The following TMTC2 variants were observed in gnomAD, a reference collection of about 807,000 sequenced individuals.
TMTC2 encodes transmembrane O-mannosyltransferase targeting cadherins 2.
Under a neutral mutation model 82.4 loss-of-function variants are expected in TMTC2, and 43 were observed. That is an observed-to-expected ratio of 0.52 (90% confidence interval 0.41 to 0.67). The LOEUF is 0.67. Ranked by LOEUF, TMTC2 falls within the 30% of genes least tolerant of loss-of-function variation. TMTC2 has a pLI of 0.00. For synonymous variants in TMTC2, 408 were observed against 381.9 expected (o/e 1.07, Z -0.80); for missense variants, 919 against 1,012.4 (o/e 0.91, Z 1.25).
chr12:82,946,903 G>A (rs142635476), intron 4 of TMTC2, among the ~76,000 whole-genome samples: 5,651 of 151,936 alleles, frequency 0.037, 125 homozygotes, highest in Middle Eastern at 0.051. Flanking sequence ...CACCACCCCG[G>A]GCTAATTTTG....
chr12:82,835,721 C>A (rs1286349880), intron 1 of TMTC2, among the ~76,000 whole-genome samples: 1 of 152,150 alleles, frequency 6.6e-6, no homozygotes, highest in Non-Finnish European at 1.5e-5. Flanking sequence ...TGTTGGAGTT[C>A]TATTGGAGAC....
chr12:82,793,283 A>C (rs1363391302), intron 1 of TMTC2, among the ~76,000 whole-genome samples: 5 of 151,876 alleles, frequency 3.3e-5, no homozygotes, highest in Non-Finnish European at 7.4e-5. Flanking sequence ...AGGACTTAAT[A>C]CTTTTCGTCG....
chr12:82,979,683 A>G (rs1228189080), intron 7 of TMTC2, among the ~76,000 whole-genome samples: 1 of 151,712 alleles, frequency 6.6e-6, no homozygotes, highest in African/African-American at 2.4e-5. Flanking sequence ...ACTTACTACT[A>G]CCAGTGAGTT....
intron 1 of TMTC2, among the ~76,000 whole-genome samples, chr12:82,815,627 A>G (rs2137055299): frequency 6.6e-6 from 1 of 152,130 alleles, no homozygotes; most frequent in Admixed American, 6.6e-5. Context: ...CATCTGCTCT[A>G]CTGAAGATAA....
intron 1 of TMTC2, among the ~76,000 whole-genome samples, chr12:82,727,372 A>G (rs1038123247): frequency 1.3e-5 from 2 of 152,074 alleles, no homozygotes; most frequent in Non-Finnish European, 2.9e-5. Flanking sequence ...GTGAGACTGA[A>G]TCTTTTCCAG....
intron 1 of TMTC2, among the ~76,000 whole-genome samples, chr12:82,833,386 G>A (rs759041127): frequency 1.5e-4 from 23 of 152,132 alleles, no homozygotes; most frequent in Non-Finnish European, 2.9e-4. Context: ...CTACAAAGAA[G>A]TATCAACTAA....
intron 1 of TMTC2, among the ~76,000 whole-genome samples, chr12:82,748,845 C>A (rs1875826112): frequency 6.6e-6 from 1 of 152,156 alleles, no homozygotes. Flanking sequence ...CCATTGCACA[C>A]CAGCCTGGGC....
intron 4 of TMTC2, among the ~76,000 whole-genome samples, chr12:82,937,771 T>TATATATAC (rs1565818355): frequency 9.6e-4 from 23 of 24,042 alleles, no homozygotes; most frequent in African/African-American, 3.0e-3. Context: ...TATATATATA[T>TATATATAC]ATATATATAT....
At chr12:82,726,978 T>C (rs1383846150) in intron 1 of TMTC2, among the ~76,000 whole-genome samples, 1 of 151,874 alleles carries the variant, frequency 6.6e-6, no homozygotes, top group Non-Finnish European at 1.5e-5. Context: ...TGAATTGCTG[T>C]GTATCCTTAG....
At chr12:83,126,636 G>C (rs962457458) in intron 11 of TMTC2, among the ~76,000 whole-genome samples, 1 of 152,088 alleles carries the variant, frequency 6.6e-6, no homozygotes, top group African/African-American at 2.4e-5. Flanking sequence ...TGGTTGTAAA[G>C]TTATCAAGAC....
intron 1 of TMTC2, among the ~76,000 whole-genome samples, chr12:82,784,442 A>T (rs1181301440): frequency 6.6e-6 from 1 of 152,092 alleles, no homozygotes; most frequent in African/African-American, 2.4e-5. Context: ...ATTAGGTCTC[A>T]TGTAATTACT....
chr12:82,855,925 C>T (rs778854952), intron 1 of TMTC2, among the ~76,000 whole-genome samples: 14 of 152,076 alleles, frequency 9.2e-5, no homozygotes, highest in Non-Finnish European at 1.6e-4. Context: ...TTACATGTCC[C>T]CAGTAGTAGA....
At chr12:82,967,020 T>A in intron 7 of TMTC2, 23 bp downstream of exon 7, 1 of 1,577,894 alleles carries the variant, frequency 6.3e-7, no homozygotes, top group South Asian at 1.1e-5. Context: ...TTAACACTTT[T>A]AAATTGATAT....
chr12:82,704,093 G>T (rs1565714725), intron 1 of TMTC2, among the ~76,000 whole-genome samples: 1 of 152,020 alleles, frequency 6.6e-6, no homozygotes, highest in Admixed American at 6.5e-5. Context: ...AGGTGGGGAG[G>T]TTTATTTTTT....
intron 11 of TMTC2, among the ~76,000 whole-genome samples, chr12:83,112,028 C>T (rs1884616293): frequency 1.3e-5 from 2 of 151,920 alleles, no homozygotes; most frequent in Admixed American, 1.3e-4. Context: ...ATTGCTTGAG[C>T]CTGGGAGGAG....
intron 10 of TMTC2, among the ~76,000 whole-genome samples, chr12:83,060,250 A>G (rs1219057809): frequency 6.6e-6 from 1 of 151,692 alleles, no homozygotes; most frequent in African/African-American, 2.4e-5. Context: ...GTTTTTAATT[A>G]TTTTTCATTG....
intron 11 of TMTC2, among the ~76,000 whole-genome samples, chr12:83,074,483 T>C (rs574145412): frequency 6.6e-6 from 1 of 152,248 alleles, no homozygotes; most frequent in African/African-American, 2.4e-5. Flanking sequence ...TAGGCGTGTC[T>C]GAGCCCAGAC....
intron 11 of TMTC2, among the ~76,000 whole-genome samples, chr12:83,095,499 C>T (rs192066848): frequency 3.3e-5 from 5 of 152,202 alleles, no homozygotes; most frequent in Admixed American, 1.3e-4. Flanking sequence ...CTCGGCCTCC[C>T]AAAGTGCTGG....
intron 1 of TMTC2, among the ~76,000 whole-genome samples, chr12:82,784,870 G>A (rs1878097098): frequency 6.7e-6 from 1 of 149,576 alleles, no homozygotes; most frequent in Non-Finnish European, 1.5e-5. Context: ...TGATTTCCTT[G>A]CGTGTGTGTC....
Sources: allele counts gnomAD v4.1 joint callset (sites outside exome capture counted in the v4.1 genomes callset), GRCh38; gene constraint gnomAD v4.1.1; transcripts MANE v1.5; gene names NCBI Gene and HGNC (gene_info 2026-07-23, HGNC 2026-07-21).